ACOT1: variants seen among roughly 807,000 people sequenced by gnomAD.
The protein encoded by ACOT1 is acyl-coenzyme A thioesterase 1.
ACOT1 carries 8 observed loss-of-function variants against 15.7 expected under a neutral mutation model. The observed-to-expected ratio is 0.51, with a 90% confidence interval of 0.30 to 0.92. ACOT1 has a LOEUF of 0.92. Ranked by LOEUF, ACOT1 falls within the 40% of genes least tolerant of loss-of-function variation. The pLI is 0.06. For synonymous variants in ACOT1, 67 were observed against 241.2 expected, an observed-to-expected ratio of 0.28 and a Z score of 6.69; for missense variants, 151 against 539.4, an observed-to-expected ratio of 0.28 and a Z score of 7.13.
At chr14:73,500,451 G>C in the ACOT1 span, 1 of 1,284,154 alleles carries the variant, frequency 7.8e-7, no homozygotes, top group Non-Finnish European at 1.1e-6. Context: ...CTCTCATTCT[G>C]TGTCCCCACA....
At chr14:73,526,294 TCC>T in the ACOT1 span, among the ~76,000 whole-genome samples, 1 of 152,136 alleles carries the variant, frequency 6.6e-6, no homozygotes. Context: ...CAGACCTGAG[TCC>T]CAGCTGGTTC....
Position 73,538,626 on chromosome 14 carries a change from A to C in ACOT1, c.457+748A>C, listed in dbSNP as rs1482623365. ...GACTCCGTCTCAAAAAAAAAAAAAA[A>C]AAAAGGCATTGTAAGGAAAGAGAAA... On this transcript the variant is annotated intron_variant, in intron 1 of 2. Transcript: ENST00000311148. Among the ~76,000 whole-genome samples the C allele has an allele frequency of 3.6e-5, 4 of 110,740 alleles. 2 individuals are homozygous for C. The highest frequency in any genetic ancestry group is 7.8e-5 in the Non-Finnish European group (4 of 51,580). The allele number at this position is 110,740 out of a possible 152,430, so 72.6% of individuals were successfully genotyped here. A position where few individuals can be genotyped will look rare whatever the true frequency, so the allele number is the denominator to read the frequency against.
chr14:73,531,905 G>A, the ACOT1 span, among the ~76,000 whole-genome samples: 6 of 113,958 alleles, frequency 5.3e-5, 1 homozygote, highest in Admixed American at 4.0e-4. Context: ...GGTGGCGCAT[G>A]CCTGTAATCC....
chr14:73,509,328 C>G, the ACOT1 span: 14 of 1,614,080 alleles, frequency 8.7e-6, no homozygotes, highest in Non-Finnish European at 1.0e-5. Context: ...GAAGGGCAGT[C>G]TGCATGATGT....
the ACOT1 span, chr14:73,496,704 G>T: frequency 2.4e-6 from 3 of 1,263,166 alleles, no homozygotes; most frequent in South Asian, 1.2e-5. Context: ...GGGCTTCTTA[G>T]ATTATTCTAC....
the ACOT1 span, chr14:73,517,559 T>A: frequency 6.6e-6 from 1 of 150,808 alleles, no homozygotes; most frequent in Non-Finnish European, 1.5e-5. Flanking sequence ...TTCCAGCTAC[T>A]CGGGAGAGTG....
At chr14:73,520,596 C>T in the ACOT1 span, 1 of 367,118 alleles carries the variant, frequency 2.7e-6, no homozygotes. Context: ...GCCAACTTTA[C>T]AGTTCCACCC....
At chr14:73,537,991 G>C in intron 1 of ACOT1, 113 bp downstream of exon 1, 1 of 915,910 alleles carries the variant, frequency 1.1e-6, no homozygotes, top group Non-Finnish European at 1.4e-6. Context: ...TTGTGTGTGT[G>C]TCCCTCCTCC....
chr14:73,515,454 T>C, the ACOT1 span, among the ~76,000 whole-genome samples: 1,412 of 150,826 alleles, frequency 9.4e-3, 30 homozygotes, highest in African/African-American at 0.032. Context: ...CCAAAGCGGG[T>C]GGATCACTTG....
chr14:73,524,931 C>T, the ACOT1 span, among the ~76,000 whole-genome samples: 1 of 152,142 alleles, frequency 6.6e-6, no homozygotes, highest in Non-Finnish European at 1.5e-5. Flanking sequence ...GCCTCTCTCC[C>T]TAGGGCATGA....
At chr14:73,497,036 C>T in the ACOT1 span, among the ~76,000 whole-genome samples, 9 of 152,202 alleles carry the variant, frequency 5.9e-5, no homozygotes, top group South Asian at 2.1e-4. Flanking sequence ...GCTGGGACTA[C>T]AGGCGCGTGC....
the ACOT1 span, chr14:73,512,058 AC>A: frequency 1.9e-6 from 3 of 1,614,136 alleles, no homozygotes; most frequent in Non-Finnish European, 1.7e-6. Context: ...CAGCTGTGGC[AC>A]ATGTGGTGAT....
At chr14:73,491,947 G>A in the ACOT1 span, 5 of 1,613,774 alleles carry the variant, frequency 3.1e-6, no homozygotes, top group Non-Finnish European at 4.2e-6. Context: ...CTGTGTGGCA[G>A]TTTTTGGCTG....
rs1395941400 is a variant in ACOT1, at chr14:73,541,017, C to T, written c.458-476C>T. On this transcript the variant is annotated intron_variant, in intron 1 of 2. Transcript: ENST00000311148. ...TCAGCCTCCCAAAGTGCTGGGATTA[C>T]AGGCGTGAGCCACCAGACCCAGCCT... Among the ~76,000 whole-genome samples, 2 of 115,468 alleles carry T rather than the reference C, an allele frequency of 1.7e-5. 1 individual carries two copies. Among genetic ancestry groups the T allele is most frequent in the Non-Finnish European group, 3.8e-5 (2 of 53,066 alleles). 75.8% of individuals were successfully genotyped at this position (115,468 alleles called of 152,430 possible).
the ACOT1 span, chr14:73,492,574 G>T: frequency 1.2e-6 from 2 of 1,613,912 alleles, no homozygotes; most frequent in South Asian, 2.2e-5. The surrounding 1 kb of genome is among the most constrained non-coding windows in gnomAD (Gnocchi z 4.9). Flanking sequence ...ATAGGGAGAG[G>T]GCACTAAGTG....
chr14:73,525,417 C>T, the ACOT1 span, among the ~76,000 whole-genome samples: 1 of 152,190 alleles, frequency 6.6e-6, no homozygotes, highest in African/African-American at 2.4e-5. Context: ...TATGCTATCA[C>T]TCCAGGACTT....
the ACOT1 span, chr14:73,491,881 C>T: frequency 1.9e-6 from 3 of 1,611,730 alleles, no homozygotes; most frequent in Non-Finnish European, 2.5e-6. Context: ...CCGCGTGGTC[C>T]CTGTACCAGG....
chr14:73,523,953 C>A, the ACOT1 span, among the ~76,000 whole-genome samples: 1 of 152,092 alleles, frequency 6.6e-6, no homozygotes, highest in Non-Finnish European at 1.5e-5. Flanking sequence ...CTTTCAGAGT[C>A]ATCCAGCACA....
chr14:73,491,052 G>A, the ACOT1 span: 3 of 1,589,902 alleles, frequency 1.9e-6, no homozygotes, highest in Non-Finnish European at 1.7e-6. Flanking sequence ...GGGCCGTTGA[G>A]GCGCGGGCGG....
Sources: gnomAD v4.1 joint callset for allele counts (sites outside exome capture counted in the v4.1 genomes callset) on GRCh38, gnomAD v4.1.1 for gene constraint, Gnocchi (gnomAD v3.1) non-coding constraint, MANE v1.5 for transcripts, NCBI Gene and HGNC (gene_info 2026-07-23, HGNC 2026-07-21) for gene names.